The following DCT variants were observed in gnomAD, a reference collection of about 807,000 sequenced individuals.
The protein encoded by DCT is L-dopachrome tautomerase.
DCT carries 47 observed loss-of-function variants against 53.0 expected under a neutral mutation model. The observed-to-expected ratio is 0.89, with a 90% CI of 0.70 to 1.13. The LOEUF is 1.13. Among genes scored for constraint, DCT ranks in the 50% most tolerant of loss-of-function variants. The pLI is 0.00. For missense variants in DCT, 669 were observed against 637.4 expected (o/e 1.05, Z -0.53); for synonymous variants, 244 against 237.0 (o/e 1.03, Z -0.27).
At chr13:94,453,089 T>TTATA (rs1208492413) in intron 6 of DCT, among the ~76,000 whole-genome samples, 5 of 152,280 alleles carry the variant, frequency 3.3e-5, no homozygotes, top group African/African-American at 1.2e-4. Flanking sequence ...TAATGGGATA[T>TTATA]TATACATAAT....
chr13:94,439,899 T>A lies in DCT; in HGVS notation c.1559A>T (p.Ter520LeuextTer32). ...TCTCTTAGGTAAGGCATGAGCACCC[T>A]AGGCTTCTTCTGTGTATCTCTTGCT... is the stretch of plus-strand genomic sequence containing the variant. ...LSSKRYTEEA[*>L] Residue 520 changes from the stop codon to leucine (L), a stop_lost, in exon 8 of 8, where the codon TAG becomes TTG. Coordinates refer to ENST00000377028, the MANE Select transcript of DCT (RefSeq NM_001922.5). 1 of 1,612,820 alleles carries A rather than the reference T, an allele frequency of 6.2e-7. No homozygotes were observed. The highest frequency in any genetic ancestry group is 8.5e-7 in the Non-Finnish European group (1 of 1,179,434).
At chr13:94,535,228 A>G in the DCT span, among the ~76,000 whole-genome samples, 5 of 152,338 alleles carry the variant, frequency 3.3e-5, no homozygotes, top group Admixed American at 6.5e-5. Context: ...ATATGTCCAC[A>G]TGTCCTCAGT....
the DCT span, among the ~76,000 whole-genome samples, chr13:94,492,376 T>C: frequency 2.0e-5 from 3 of 152,220 alleles, no homozygotes; most frequent in African/African-American, 7.2e-5. Context: ...CTCATAGATG[T>C]TTCCTCTGAA....
Position 94,437,902 on chromosome 13 carries a change from C to T in DCT, c.*1996G>A, listed in dbSNP as rs973901464. 14 of 152,014 alleles carry T rather than the reference C, an allele frequency of 9.2e-5. No homozygotes were observed. Among genetic ancestry groups the T allele is most frequent in the Admixed American group, 6.6e-4 (10 of 15,248 alleles). The allele number at this position is 152,014 out of a possible 1,614,324, so 9.4% of individuals were successfully genotyped here. A position where few individuals can be genotyped will look rare whatever the true frequency, so the allele number is the denominator to read the frequency against. ...ACAGATAAAAGCAGCTAAGTATAAT[C>T]GATTACTATTTTTTCCTACCTAAGA... On this transcript the variant is annotated 3_prime_UTR_variant, in exon 8 of 8. Coordinates refer to ENST00000377028, the MANE Select transcript of DCT (RefSeq NM_001922.5).
chr13:94,541,530 T>C, the DCT span, among the ~76,000 whole-genome samples: 1 of 151,954 alleles, frequency 6.6e-6, no homozygotes, highest in East Asian at 1.9e-4. Flanking sequence ...AAAAAAGATC[T>C]AGTGTTGATA....
At chr13:94,520,444 C>G in the DCT span, among the ~76,000 whole-genome samples, 517 of 152,230 alleles carry the variant, frequency 3.4e-3, 2 homozygotes, top group African/African-American at 8.8e-3. Context: ...GGTGGCGAGG[C>G]CTGCCATAAG....
At chr13:94,483,058 G>T (rs1431582264), upstream of DCT, among the ~76,000 whole-genome samples, 1 of 151,970 alleles carries the variant, frequency 6.6e-6, no homozygotes, top group Non-Finnish European at 1.5e-5. Context: ...CAGATCACGT[G>T]AGCCCAGGAG....
Position 94,479,189 on chromosome 13 carries a change from C to T in DCT, c.67G>A (p.Gly23Ser). The change falls in exon 1 of 8, where the codon GGT becomes AGT. Residue 23 changes from glycine to serine, a missense_variant. Coordinates refer to ENST00000377028, the MANE Select transcript of DCT (RefSeq NM_001922.5). ...GTCATGCAGACTCGGGGGAACTGAC[C>T]CTGGGCTCCTGGCAGGATTTTGCAG... The part of the protein sequence containing the change: ...LGCKILPGAQ[G>S]QFPRVCMTVD... 1 of 1,610,236 alleles carries T rather than the reference C, an allele frequency of 6.2e-7. No homozygotes were observed. The highest frequency in any genetic ancestry group is 1.3e-5 in the African/African-American group (1 of 74,944).
the DCT span, among the ~76,000 whole-genome samples, chr13:94,488,912 A>T: frequency 6.6e-6 from 1 of 152,038 alleles, no homozygotes; most frequent in Admixed American, 6.6e-5. Flanking sequence ...TCAAGAGAAA[A>T]ACATAAGGTA....
rs1594259301 is a variant in DCT, at chr13:94,436,915, A to T, written c.*2983T>A. 6.6e-6 allele frequency: 1 copy of T among 152,212 alleles called. No individual in the cohort carries two copies. The highest frequency in any genetic ancestry group is 1.5e-5 in the Non-Finnish European group (1 of 68,032). 9.4% of individuals were successfully genotyped at this position (152,212 alleles called of 1,614,324 possible). ...GAAATAGGAAGAGCTTCAACCTTAGAGTCTCCAACAAATTGACCCATCTTG... is the reference window on the plus strand; with the variant it reads ...GAAATAGGAAGAGCTTCAACCTTAGTGTCTCCAACAAATTGACCCATCTTG... On this transcript the variant is annotated 3_prime_UTR_variant, in exon 8 of 8. Coordinates refer to ENST00000377028, the MANE Select transcript of DCT (RefSeq NM_001922.5).
the DCT span, among the ~76,000 whole-genome samples, chr13:94,488,633 T>G: frequency 1.3e-5 from 2 of 151,748 alleles, no homozygotes; most frequent in Non-Finnish European, 2.9e-5. Flanking sequence ...GAGAATAGCT[T>G]GAGCCCAAGA....
the DCT span, among the ~76,000 whole-genome samples, chr13:94,488,733 C>T: frequency 4.9e-4 from 22 of 44,738 alleles, no homozygotes; most frequent in Admixed American, 2.4e-3. Flanking sequence ...TACACACACA[C>T]ACACACACAC....
chr13:94,535,931 G>T, the DCT span, among the ~76,000 whole-genome samples: 52 of 152,222 alleles, frequency 3.4e-4, no homozygotes, highest in East Asian at 8.7e-3. Context: ...CCTGCCACCC[G>T]TAGAGGCTCT....
chr13:94,466,645 G>T lies in DCT; in HGVS notation c.609C>A (p.Pro203=), dbSNP rs12876972. The change falls in exon 3 of 8, where the codon CCC becomes CCA. Residue 203 remains proline, a synonymous_variant. Coordinates refer to ENST00000377028, the MANE Select transcript of DCT (RefSeq NM_001922.5). ...VRDTLLGPGR[P]YRAIDFSHQG... ...GATGTGAGAAATCTATGGCCCTGTA[G>T]GGGCGTCCTGGTCCTGAAACAATTG... 1 of 1,601,520 alleles carries T rather than the reference G, an allele frequency of 6.2e-7. No homozygotes were observed. The highest frequency in any genetic ancestry group is 8.5e-7 in the Non-Finnish European group (1 of 1,174,970).
intron 2 of DCT, chr13:94,467,525 A>G (rs574923265): frequency 6.6e-6 from 1 of 152,360 alleles, no homozygotes; most frequent in South Asian, 2.1e-4. Flanking sequence ...CCTCAGAGTG[A>G]TAACAGGAAA....
intron 6 of DCT, among the ~76,000 whole-genome samples, chr13:94,453,672 G>A (rs1359113817): frequency 6.6e-6 from 1 of 152,028 alleles, no homozygotes; most frequent in East Asian, 1.9e-4. Context: ...CATGGGGGTG[G>A]GTCTTTCCCA....
At chr13:94,502,592 G>A in the DCT span, among the ~76,000 whole-genome samples, 1 of 152,128 alleles carries the variant, frequency 6.6e-6, no homozygotes, top group Non-Finnish European at 1.5e-5. Context: ...GCAGGCATCT[G>A]GCCAGTCCTT....
the DCT span, among the ~76,000 whole-genome samples, chr13:94,508,968 G>T: frequency 1.3e-5 from 2 of 152,132 alleles, no homozygotes; most frequent in Non-Finnish European, 2.9e-5. Context: ...CTGAGCCTTT[G>T]CTTTGCCACT....
At chr13:94,448,433 A>G (rs1242617565) in intron 6 of DCT, among the ~76,000 whole-genome samples, 2 of 152,254 alleles carry the variant, frequency 1.3e-5, no homozygotes, top group Admixed American at 1.3e-4. Context: ...TCTACGGAAT[A>G]GGTAGTTTTG....
Sources: gnomAD v4.1 joint callset for allele counts (sites outside exome capture counted in the v4.1 genomes callset) on GRCh38, gnomAD v4.1.1 for gene constraint, MANE v1.5 for transcripts, NCBI Gene and HGNC (gene_info 2026-07-23, HGNC 2026-07-21) for gene names.